ADGRL2: variants seen among roughly 807,000 people sequenced by gnomAD.
The protein encoded by ADGRL2 is calcium-independent alpha-latrotoxin receptor 2.
Under a neutral mutation model 157.4 loss-of-function variants are expected in ADGRL2, and 44 were observed. The observed-to-expected ratio is 0.28, with a 90% confidence interval of 0.22 to 0.36. ADGRL2 has a LOEUF of 0.36. ADGRL2 is among the 10% of genes least tolerant of loss of function. ADGRL2 has a pLI of 1.00. For synonymous variants in ADGRL2, 585 were observed against 624.7 expected (o/e 0.94, Z 0.95); for missense variants, 1,510 against 1,768.9 (o/e 0.85, Z 2.63).
chr1:81,369,228 T>C (rs938644798), intron 1 of ADGRL2, among the ~76,000 whole-genome samples: 5 of 151,782 alleles, frequency 3.3e-5, no homozygotes, highest in Admixed American at 2.6e-4. Flanking sequence ...ACAAGAGAAA[T>C]GAGGACAGAA....
At chr1:81,815,509 G>T (rs561183238) in intron 1 of ADGRL2, among the ~76,000 whole-genome samples, 2 of 151,820 alleles carry the variant, frequency 1.3e-5, no homozygotes, top group African/African-American at 4.8e-5. Flanking sequence ...ACACAGTAAG[G>T]TATTCAAGAA....
intron 2 of ADGRL2, among the ~76,000 whole-genome samples, chr1:81,876,172 T>C (rs2093835801): frequency 6.6e-6 from 1 of 152,272 alleles, no homozygotes; most frequent in South Asian, 2.1e-4. Flanking sequence ...ATGAAATAAA[T>C]ACATTAAGAA....
chr1:81,895,404 T>C (rs1468528435), intron 2 of ADGRL2, among the ~76,000 whole-genome samples: 1 of 147,504 alleles, frequency 6.8e-6, no homozygotes, highest in African/African-American at 2.5e-5. Flanking sequence ...TTTTTTTTTT[T>C]TTTTTTTTTT....
In ADGRL2 at chr1:81,985,239, T is replaced by A. The variant is rs1219072870; in HGVS notation, c.3412-20T>A. ...GGGAAACTAACAAAACATATTTGTC[T>A]TGCTGTTTTGTATTAATAGAGTCGT... is the stretch of plus-strand genomic sequence containing the variant. On this transcript the variant is annotated intron_variant, in intron 20 of 23. Transcript: ENST00000686636. The A allele has an allele frequency of 2.2e-6, 3 of 1,362,742 alleles. No individual in the cohort carries two copies. Among genetic ancestry groups the A allele is most frequent in the Non-Finnish European group, 3.1e-6 (3 of 963,760 alleles). The allele number at this position is 1,362,742 out of a possible 1,614,324, so 84.4% of individuals were successfully genotyped here. A position where few individuals can be genotyped will look rare whatever the true frequency, so the allele number is the denominator to read the frequency against.
At chr1:81,413,621 A>G (rs2076985655) in intron 1 of ADGRL2, among the ~76,000 whole-genome samples, 1 of 152,186 alleles carries the variant, frequency 6.6e-6, no homozygotes, top group Non-Finnish European at 1.5e-5. Context: ...GTTGTTTTGG[A>G]TGACTACTTA....
intron 1 of ADGRL2, among the ~76,000 whole-genome samples, chr1:81,738,706 G>A (rs1398067305): frequency 3.9e-5 from 6 of 152,170 alleles, no homozygotes; most frequent in Non-Finnish European, 8.8e-5. Flanking sequence ...CTGAAATGTG[G>A]TGTGATCTTC....
intron 2 of ADGRL2, among the ~76,000 whole-genome samples, chr1:81,560,309 G>A (rs749614417): frequency 1.3e-5 from 2 of 152,168 alleles, no homozygotes; most frequent in African/African-American, 2.4e-5. Flanking sequence ...CTGTCTGTAT[G>A]TCTTGAATGA....
At chr1:81,345,146 T>C (rs776510137) in intron 1 of ADGRL2, among the ~76,000 whole-genome samples, 26 of 152,184 alleles carry the variant, frequency 1.7e-4, no homozygotes, top group Non-Finnish European at 3.2e-4. Flanking sequence ...GAAGAACCAG[T>C]GGAAACTACA....
At chr1:81,511,423 C>CAT (rs2079075350) in intron 2 of ADGRL2, among the ~76,000 whole-genome samples, 1 of 148,960 alleles carries the variant, frequency 6.7e-6, no homozygotes, top group East Asian at 2.0e-4. Context: ...CACACACACA[C>CAT]ACATAGACAC....
chr1:81,951,466 T>A (rs1310382305), intron 8 of ADGRL2, among the ~76,000 whole-genome samples: 2 of 152,192 alleles, frequency 1.3e-5, no homozygotes, highest in East Asian at 3.8e-4. Flanking sequence ...GATGTTTATA[T>A]CACACATGAT....
chr1:81,990,759 A>G lies in ADGRL2; in HGVS notation c.4024A>G (p.Thr1342Ala), dbSNP rs1392017771. ...CGAGGCACCACTTATTCCTCAGCGG[A>G]CTCACTCCCTTCTGTACCAACCCCA... ...ELEAPLIPQR[T>A]HSLLYQPQKK... The change falls in exon 24 of 24, where the codon ACT becomes GCT. Residue 1342 changes from threonine to alanine, a missense_variant. By Grantham distance (58) the Thr-to-Ala change is moderately conservative. Transcript: ENST00000686636. 1.9e-6 allele frequency: 3 copies of G among 1,613,922 alleles called. No individual in the cohort carries two copies. The South Asian group carries it at 3.3e-5, about 18-fold the overall frequency.
At chr1:81,404,199 A>T (rs1339862738) in intron 1 of ADGRL2, among the ~76,000 whole-genome samples, 1 of 152,208 alleles carries the variant, frequency 6.6e-6, no homozygotes, top group East Asian at 1.9e-4. Context: ...AATCAGATAT[A>T]CAGCATACCA....
At chr1:81,351,168 G>T (rs1319744515) in intron 1 of ADGRL2, among the ~76,000 whole-genome samples, 1 of 151,484 alleles carries the variant, frequency 6.6e-6, no homozygotes, top group African/African-American at 2.4e-5. Context: ...GTTTAAAGTT[G>T]CAGGAGCCTG....
At chr1:81,803,176 G>A (rs1429246547) in intron 1 of ADGRL2, among the ~76,000 whole-genome samples, 1 of 152,068 alleles carries the variant, frequency 6.6e-6, no homozygotes, top group African/African-American at 2.4e-5. Flanking sequence ...GAAAGGCGTG[G>A]GAGGAGCGCG....
At chr1:81,540,716 G>T (rs889489559) in intron 2 of ADGRL2, among the ~76,000 whole-genome samples, 9 of 152,186 alleles carry the variant, frequency 5.9e-5, no homozygotes, top group Non-Finnish European at 1.5e-5. Flanking sequence ...ACAGGCCCTG[G>T]TAAGAAATTC....
chr1:81,307,281 G>C (rs924368072), intron 1 of ADGRL2, among the ~76,000 whole-genome samples: 1 of 152,212 alleles, frequency 6.6e-6, no homozygotes, highest in Non-Finnish European at 1.5e-5. Flanking sequence ...GCATGTAAGA[G>C]TCTAGCAGAT....
rs149077522 is a variant in ADGRL2 at position 81,874,438 on chromosome 1, G to A, written c.74-32579G>A. ...TGATGGGATTATGAAGGTAACTAGAGGTACCTGCCTCTTTTCCTCTTAATG... is the reference window on the plus strand; with the variant it reads ...TGATGGGATTATGAAGGTAACTAGAAGTACCTGCCTCTTTTCCTCTTAATG... On this transcript the variant is annotated intron_variant, in intron 2 of 23. Coordinates refer to ENST00000686636, the MANE Select transcript of ADGRL2 (RefSeq NM_001366006.2). Among the ~76,000 whole-genome samples, 615 of 152,246 alleles carry A rather than the reference G, an allele frequency of 4.0e-3. 4 individuals carry two copies. The highest frequency in any genetic ancestry group is 0.013 in the African/African-American group (555 of 41,546).
intron 1 of ADGRL2, among the ~76,000 whole-genome samples, chr1:81,442,955 G>A (rs529444109): frequency 6.6e-6 from 1 of 152,212 alleles, no homozygotes; most frequent in South Asian, 2.1e-4. Context: ...AAAATTATTG[G>A]TCTCCAAAAA....
At chr1:81,376,102 G>A (rs986783102) in intron 1 of ADGRL2, among the ~76,000 whole-genome samples, 1 of 152,106 alleles carries the variant, frequency 6.6e-6, no homozygotes, top group African/African-American at 2.4e-5. Context: ...TCCCCTTACT[G>A]GGCTGAGTAA....
Sources: allele counts gnomAD v4.1 joint callset (sites outside exome capture counted in the v4.1 genomes callset), GRCh38; gene constraint gnomAD v4.1.1; transcripts MANE v1.5; gene names NCBI Gene and HGNC (gene_info 2026-07-23, HGNC 2026-07-21).